Variants in CSMD1 observed in about 807,000 individuals in gnomAD.
The protein encoded by CSMD1 is CUB and sushi domain-containing protein 1.
CSMD1 carries 213 observed loss-of-function variants against 417.5 expected under a neutral mutation model. That is an observed-to-expected ratio of 0.51 (90% CI 0.46 to 0.57). The LOEUF is 0.57. Among genes scored for constraint, CSMD1 ranks in the 20% least tolerant of loss-of-function variants. The pLI is 0.00. For synonymous variants in CSMD1, 2,862 were observed against 1,736.8 expected (o/e 1.65, Z -16.11); for missense variants, 6,923 against 4,529.7 (o/e 1.53, Z -15.17).
chr8:3,803,384 C>A (rs1340705594), intron 5 of CSMD1, among the ~76,000 whole-genome samples: 1 of 152,144 alleles, frequency 6.6e-6, no homozygotes, highest in Non-Finnish European at 1.5e-5. Context: ...ATCACTGAAC[C>A]CACGCTGGAG....
At chr8:3,335,416 G>A (rs541212353) in intron 23 of CSMD1, among the ~76,000 whole-genome samples, 5 of 152,128 alleles carry the variant, frequency 3.3e-5, no homozygotes, top group Non-Finnish European at 7.3e-5. Flanking sequence ...GGTGGCTCAC[G>A]CCTGTAATCC....
intron 2 of CSMD1, among the ~76,000 whole-genome samples, chr8:4,484,545 G>C (rs74623573): frequency 0.09 from 13,634 of 152,090 alleles, 802 homozygotes; most frequent in Admixed American, 0.19. Flanking sequence ...CCCACACTCA[G>C]AGTCATACTG....
At chr8:3,122,289 T>G (rs768472283) in intron 41 of CSMD1, among the ~76,000 whole-genome samples, 4 of 152,062 alleles carry the variant, frequency 2.6e-5, no homozygotes, top group Non-Finnish European at 4.4e-5. Flanking sequence ...TAATTACAAA[T>G]AAAAAAATGA....
chr8:3,357,172 G>A (rs539157855), intron 21 of CSMD1, among the ~76,000 whole-genome samples: 1 of 152,278 alleles, frequency 6.6e-6, no homozygotes, highest in Non-Finnish European at 1.5e-5. Context: ...ATGCACCAGA[G>A]GGGCTGGAGG....
intron 5 of CSMD1, among the ~76,000 whole-genome samples, chr8:3,764,189 G>A (rs1001287162): frequency 1.3e-5 from 2 of 152,106 alleles, no homozygotes; most frequent in Admixed American, 6.6e-5. Flanking sequence ...GATTTGCACC[G>A]TACGCATTAG....
intron 3 of CSMD1, among the ~76,000 whole-genome samples, chr8:4,070,653 G>C (rs760184302): frequency 1.3e-5 from 2 of 152,040 alleles, no homozygotes; most frequent in South Asian, 2.1e-4. Flanking sequence ...CACCGTGCCC[G>C]GCCACCACCT....
chr8:4,357,387 A>G (rs1801491375), intron 3 of CSMD1, among the ~76,000 whole-genome samples: 2 of 152,200 alleles, frequency 1.3e-5, no homozygotes, highest in African/African-American at 2.4e-5. Flanking sequence ...TCATCAAATA[A>G]TTTAAATATC....
intron 10 of CSMD1, among the ~76,000 whole-genome samples, chr8:3,505,554 C>T (rs755604043): frequency 7.2e-5 from 11 of 152,158 alleles, no homozygotes; most frequent in Non-Finnish European, 1.5e-4. Flanking sequence ...AATACGTCAC[C>T]TCACAGAATT....
At chr8:4,415,168 C>T (rs1170458729) in intron 3 of CSMD1, among the ~76,000 whole-genome samples, 1 of 152,040 alleles carries the variant, frequency 6.6e-6, no homozygotes. Flanking sequence ...AGGCTCAGCT[C>T]CAGGCTCTCT....
intron 3 of CSMD1, among the ~76,000 whole-genome samples, chr8:4,232,735 G>C (rs1421745899): frequency 6.6e-6 from 1 of 152,192 alleles, no homozygotes; most frequent in Non-Finnish European, 1.5e-5. Context: ...ACAGTCGTAA[G>C]ATTGCCTTAA....
chr8:3,367,291 C>G, intron 19 of CSMD1, 44 bp from the exon 20 acceptor site: 1 of 1,417,574 alleles, frequency 7.1e-7, no homozygotes, highest in Non-Finnish European at 9.8e-7. Context: ...CAGAGAGAGA[C>G]ACACGGGGCG....
chr8:2,977,668 G>A (rs1363419297), intron 55 of CSMD1, among the ~76,000 whole-genome samples: 1 of 152,248 alleles, frequency 6.6e-6, no homozygotes, highest in East Asian at 1.9e-4. Flanking sequence ...GAAAATCGTT[G>A]CAATCTATCC....
chr8:4,041,286 G>T (rs1585189407), intron 3 of CSMD1, among the ~76,000 whole-genome samples: 2 of 140,210 alleles, frequency 1.4e-5, no homozygotes, highest in South Asian at 4.5e-4. Flanking sequence ...CAAAGTACGG[G>T]GATTACATGC....
intron 5 of CSMD1, among the ~76,000 whole-genome samples, chr8:3,971,161 C>T (rs1227155886): frequency 6.6e-6 from 1 of 152,236 alleles, no homozygotes; most frequent in East Asian, 1.9e-4. Flanking sequence ...TACGCTGCCT[C>T]CTGGCATGAT....
chr8:4,047,899 G>C (rs1363792577), intron 3 of CSMD1, among the ~76,000 whole-genome samples: 5 of 152,080 alleles, frequency 3.3e-5, no homozygotes, highest in African/African-American at 9.7e-5. Context: ...CCTTTAGTTT[G>C]ATTTTATGTA....
intron 12 of CSMD1, among the ~76,000 whole-genome samples, chr8:3,432,032 T>A (rs938455251): frequency 1.3e-5 from 2 of 152,176 alleles, no homozygotes; most frequent in Non-Finnish European, 2.9e-5. Context: ...TTCTGCTAAA[T>A]TTTTGAAGTT....
chr8:3,185,690 T>G (rs1173126287), intron 36 of CSMD1, among the ~76,000 whole-genome samples: 1 of 152,240 alleles, frequency 6.6e-6, no homozygotes, highest in African/African-American at 2.4e-5. Context: ...TATATGTGAA[T>G]GATAAGATTT....
chr8:3,120,476 G>C (rs567834042), intron 41 of CSMD1, among the ~76,000 whole-genome samples: 5 of 152,098 alleles, frequency 3.3e-5, no homozygotes, highest in Non-Finnish European at 7.3e-5. Context: ...GCATTCCATA[G>C]AGCCATGAGG....
chr8:4,120,937 G>C (rs1364424130), intron 3 of CSMD1, among the ~76,000 whole-genome samples: 2 of 152,100 alleles, frequency 1.3e-5, no homozygotes, highest in Non-Finnish European at 2.9e-5. Flanking sequence ...CTGAAAATGT[G>C]TATAATAAGA....
Sources: allele counts gnomAD v4.1 joint callset (sites outside exome capture counted in the v4.1 genomes callset), GRCh38; gene constraint gnomAD v4.1.1; transcripts MANE v1.5; gene names NCBI Gene and HGNC (gene_info 2026-07-23, HGNC 2026-07-21).